The following CLVS1 variants were observed in gnomAD, a reference collection of about 807,000 sequenced individuals.
CLVS1 encodes the protein clavesin 1, also known as clavesin-1.
A neutral mutation model predicts 33.1 loss-of-function variants in CLVS1; 10 were observed. That is an observed-to-expected ratio of 0.30 (90% CI 0.19 to 0.51). The LOEUF is 0.51. Ranked by LOEUF, CLVS1 falls within the 20% of genes least tolerant of loss-of-function variation. The pLI is 0.97. For synonymous variants in CLVS1, 163 were observed against 166.1 expected, an observed-to-expected ratio of 0.98 and a Z score of 0.14; for missense variants, 343 against 433.4, an observed-to-expected ratio of 0.79 and a Z score of 1.85.
chr8:61,208,030 C>T (rs1383239106), intron 2 of CLVS1, among the ~76,000 whole-genome samples: 3 of 152,182 alleles, frequency 2.0e-5, no homozygotes, highest in Non-Finnish European at 1.5e-5. Flanking sequence ...CGGCCACAGC[C>T]AGCAGGAAAT....
intron 3 of CLVS1, among the ~76,000 whole-genome samples, chr8:61,423,582 A>G (rs1027543824): frequency 1.3e-5 from 2 of 152,182 alleles, no homozygotes; most frequent in Non-Finnish European, 2.9e-5. Flanking sequence ...TCAGTAAGAG[A>G]ATGCCTGGTA....
intron 2 of CLVS1, among the ~76,000 whole-genome samples, chr8:61,146,120 CA>C (rs1806409506): frequency 6.6e-6 from 1 of 152,128 alleles, no homozygotes; most frequent in Non-Finnish European, 1.5e-5. Context: ...TCATCACCAT[CA>C]ACATCAGTTC....
At chr8:61,130,625 G>T (rs4737576) in intron 1 of CLVS1, among the ~76,000 whole-genome samples, 38,378 of 152,094 alleles carry the variant, frequency 0.25, 5,078 homozygotes, top group Admixed American at 0.34. Flanking sequence ...TGTTTTGTTT[G>T]TACATATAAT....
intron 2 of CLVS1, among the ~76,000 whole-genome samples, chr8:61,304,592 C>G (rs1412701502): frequency 6.6e-6 from 1 of 152,194 alleles, no homozygotes. Context: ...TCGATGAGCC[C>G]TCTGATTTTT....
At chr8:61,409,385 C>T (rs1021980068) in intron 3 of CLVS1, among the ~76,000 whole-genome samples, 1 of 152,120 alleles carries the variant, frequency 6.6e-6, no homozygotes, top group Admixed American at 6.5e-5. Flanking sequence ...TAGTGCTGTA[C>T]ACTTTGCCTT....
At chr8:61,338,506 C>T (rs538165598) in intron 2 of CLVS1, among the ~76,000 whole-genome samples, 22 of 152,274 alleles carry the variant, frequency 1.4e-4, no homozygotes, top group African/African-American at 3.1e-4. Context: ...GTGATGCTAA[C>T]GCTGCCATGA....
At chr8:61,116,827 T>C (rs1248443989) in intron 1 of CLVS1, among the ~76,000 whole-genome samples, 2 of 138,932 alleles carry the variant, frequency 1.4e-5, no homozygotes, top group Non-Finnish European at 3.1e-5. Context: ...TTTGTTCTTT[T>C]GGCTTAGGAT....
intron 2 of CLVS1, among the ~76,000 whole-genome samples, chr8:61,317,568 A>C (rs911249736): frequency 1.3e-5 from 2 of 152,100 alleles, no homozygotes; most frequent in Non-Finnish European, 2.9e-5. Context: ...TTCCATCTCT[A>C]TTTCCACCAG....
At chr8:61,032,732 A>G in the CLVS1 span, among the ~76,000 whole-genome samples, 1 of 152,098 alleles carries the variant, frequency 6.6e-6, no homozygotes, top group East Asian at 1.9e-4. Context: ...TAATAGGTAA[A>G]ATAATATTTA....
At chr8:61,397,572 T>C (rs1814577103) in intron 3 of CLVS1, among the ~76,000 whole-genome samples, 1 of 152,148 alleles carries the variant, frequency 6.6e-6, no homozygotes, top group Non-Finnish European at 1.5e-5. Flanking sequence ...CTTATTGGTG[T>C]CATATCCAAG....
intron 5 of CLVS1, among the ~76,000 whole-genome samples, chr8:61,477,354 G>T (rs1419282218): frequency 6.6e-6 from 1 of 152,122 alleles, no homozygotes; most frequent in Non-Finnish European, 1.5e-5. Context: ...CTATTGATTG[G>T]AATAGTTTCA....
At chr8:61,276,694 A>G (rs1477263921) in intron 2 of CLVS1, among the ~76,000 whole-genome samples, 1 of 152,236 alleles carries the variant, frequency 6.6e-6, no homozygotes. Context: ...TAAGTATTCT[A>G]TTACTGAAAG....
chr8:61,054,358 G>T (rs1005016637), upstream of CLVS1, among the ~76,000 whole-genome samples: 1 of 152,168 alleles, frequency 6.6e-6, no homozygotes, highest in Non-Finnish European at 1.5e-5. Flanking sequence ...GCATCCTGTG[G>T]GCTGCCAGGG....
the CLVS1 span, chr8:60,967,579 G>C: frequency 2.2e-6 from 1 of 454,050 alleles, no homozygotes. Flanking sequence ...TTACCCTGTC[G>C]TCTGCGCAGC....
At chr8:61,388,205 A>G (rs1814162137) in intron 3 of CLVS1, among the ~76,000 whole-genome samples, 1 of 151,716 alleles carries the variant, frequency 6.6e-6, no homozygotes. Flanking sequence ...ATTGACCCCA[A>G]TGGTAGTCAC....
At chr8:61,468,965 T>C (rs1020827086) in intron 5 of CLVS1, among the ~76,000 whole-genome samples, 8 of 152,156 alleles carry the variant, frequency 5.3e-5, no homozygotes, top group Non-Finnish European at 1.0e-4. Context: ...GCCCTCTGCC[T>C]GTGACACAGC....
intron 2 of CLVS1, among the ~76,000 whole-genome samples, chr8:61,324,982 C>A (rs777222981): frequency 1.3e-5 from 2 of 152,258 alleles, no homozygotes; most frequent in South Asian, 2.1e-4. Context: ...GAAGAGGAAG[C>A]ACACAGCAGC....
chr8:61,059,055 A>G (rs981393111), intron 1 of CLVS1, among the ~76,000 whole-genome samples: 1 of 152,158 alleles, frequency 6.6e-6, no homozygotes, highest in African/African-American at 2.4e-5. Context: ...TGTTGGGTAG[A>G]TATCCAGGGG....
the CLVS1 span, among the ~76,000 whole-genome samples, chr8:61,039,952 A>G: frequency 6.6e-6 from 1 of 152,216 alleles, no homozygotes; most frequent in South Asian, 2.1e-4. Flanking sequence ...CAGGTAATGA[A>G]CATAATATCG....
Sources: gnomAD v4.1 joint callset for allele counts (sites outside exome capture counted in the v4.1 genomes callset) on GRCh38, gnomAD v4.1.1 for gene constraint, MANE v1.5 for transcripts, NCBI Gene and HGNC (gene_info 2026-07-23, HGNC 2026-07-21) for gene names.